MGMT: variants seen among roughly 807,000 people sequenced by gnomAD.
MGMT encodes methylated-DNA--protein-cysteine methyltransferase.
Under a neutral mutation model 15.9 loss-of-function variants are expected in MGMT, and 14 were observed. The ratio of observed to expected loss-of-function variants is 0.88; its 90% CI spans 0.58 to 1.37. MGMT has a LOEUF of 1.37. Ranked by LOEUF, MGMT falls within the 40% of genes most tolerant of loss-of-function variation. The probability of loss-of-function intolerance (pLI) is 0.00; values close to 1 mark genes in which losing one functional copy is unlikely to be tolerated. For missense variants in MGMT, 282 were observed against 268.1 expected (o/e 1.05, Z -0.36); for synonymous variants, 130 against 118.2 (o/e 1.10, Z -0.65).
chr10:129,519,088 C>T (rs1007961488), intron 1 of MGMT, among the ~76,000 whole-genome samples: 1 of 152,126 alleles, frequency 6.6e-6, no homozygotes, highest in African/African-American at 2.4e-5. Context: ...AAGCCCTGGA[C>T]TACTATAAAT....
At chr10:129,725,641 G>C (rs1018274675) in intron 3 of MGMT, among the ~76,000 whole-genome samples, 1 of 152,230 alleles carries the variant, frequency 6.6e-6, no homozygotes, top group African/African-American at 2.4e-5. Context: ...GCTGGGGTCT[G>C]CCCACTTCCT....
chr10:129,670,664 G>A (rs533677429), intron 2 of MGMT, among the ~76,000 whole-genome samples: 2 of 152,286 alleles, frequency 1.3e-5, no homozygotes, highest in East Asian at 1.9e-4. Context: ...TGTGGTAAGA[G>A]GAAATAAGTA....
intron 2 of MGMT, among the ~76,000 whole-genome samples, chr10:129,654,234 A>T (rs1208621097): frequency 6.6e-6 from 1 of 152,128 alleles, no homozygotes; most frequent in Non-Finnish European, 1.5e-5. Context: ...CCTCAGCTTC[A>T]TGAGAAGAGA....
chr10:129,661,818 A>G (rs1002321983), intron 2 of MGMT, among the ~76,000 whole-genome samples: 2 of 152,208 alleles, frequency 1.3e-5, no homozygotes, highest in Admixed American at 6.5e-5. Flanking sequence ...TTTTGTTTTA[A>G]TATTTTTAAT....
chr10:129,684,108 T>A (rs1847881362), intron 2 of MGMT, among the ~76,000 whole-genome samples: 1 of 152,234 alleles, frequency 6.6e-6, no homozygotes, highest in African/African-American at 2.4e-5. Flanking sequence ...TACATACAAT[T>A]AATTTTTGCC....
chr10:129,699,747 A>G (rs146502930), intron 2 of MGMT, among the ~76,000 whole-genome samples: 9 of 152,158 alleles, frequency 5.9e-5, no homozygotes, highest in Non-Finnish European at 1.2e-4. Flanking sequence ...TCCTGCAAGC[A>G]CTCATGGAAC....
intron 1 of MGMT, among the ~76,000 whole-genome samples, chr10:129,483,914 A>G (rs1384314981): frequency 6.6e-6 from 1 of 152,100 alleles, no homozygotes; most frequent in Non-Finnish European, 1.5e-5. Flanking sequence ...AGATATAGAT[A>G]CCTTGGGGAT....
chr10:129,681,168 A>C (rs1469151433), intron 2 of MGMT, among the ~76,000 whole-genome samples: 2 of 152,224 alleles, frequency 1.3e-5, no homozygotes, highest in Non-Finnish European at 2.9e-5. Context: ...CTGTGGCCGT[A>C]GCACCGGGTG....
intron 2 of MGMT, among the ~76,000 whole-genome samples, chr10:129,694,512 C>A (rs1848008025): frequency 1.3e-5 from 2 of 152,328 alleles, no homozygotes; most frequent in South Asian, 4.1e-4. Flanking sequence ...ACTTGCCAGC[C>A]TTCTTTGAGT....
At chr10:129,474,129 G>A (rs925403784) in intron 1 of MGMT, among the ~76,000 whole-genome samples, 2 of 152,222 alleles carry the variant, frequency 1.3e-5, no homozygotes, top group East Asian at 3.9e-4. Context: ...GCAGGGTGTG[G>A]CAAGCATGTG....
chr10:129,611,243 T>C (rs1222151302), intron 2 of MGMT, among the ~76,000 whole-genome samples: 2 of 152,208 alleles, frequency 1.3e-5, no homozygotes, highest in Non-Finnish European at 2.9e-5. Flanking sequence ...CTCAGAGTTA[T>C]CTGGGCTGGA....
chr10:129,690,164 G>A (rs553241005), intron 2 of MGMT, among the ~76,000 whole-genome samples: 22 of 152,218 alleles, frequency 1.4e-4, no homozygotes, highest in African/African-American at 4.3e-4. Flanking sequence ...CTAAAACATC[G>A]GTAGTTTATA....
intron 2 of MGMT, among the ~76,000 whole-genome samples, chr10:129,666,467 G>C (rs55673219): frequency 0.053 from 8,005 of 151,912 alleles, 341 homozygotes; most frequent in Admixed American, 0.12. Context: ...TTTATACTAT[G>C]AGTCATAGAA....
intron 3 of MGMT, among the ~76,000 whole-genome samples, chr10:129,724,703 T>C (rs574550178): frequency 2.8e-4 from 42 of 152,288 alleles, no homozygotes; most frequent in Non-Finnish European, 4.6e-4. Context: ...TGGATAGATA[T>C]ATGATAAAAA....
intron 2 of MGMT, among the ~76,000 whole-genome samples, chr10:129,617,255 G>C (rs1176115696): frequency 6.6e-6 from 1 of 152,120 alleles, no homozygotes; most frequent in South Asian, 2.1e-4. Context: ...GGATGCAAAT[G>C]ATCTCATTCT....
intron 2 of MGMT, among the ~76,000 whole-genome samples, chr10:129,652,163 C>G (rs1464085422): frequency 6.6e-6 from 1 of 152,182 alleles, no homozygotes; most frequent in African/African-American, 2.4e-5. Context: ...GAAAGGCCCC[C>G]TGGGAGACAG....
chr10:129,679,446 A>T (rs2133118873), intron 2 of MGMT, among the ~76,000 whole-genome samples: 1 of 152,312 alleles, frequency 6.6e-6, no homozygotes, highest in East Asian at 1.9e-4. Context: ...TCACAAACAC[A>T]TGAGGCAGCC....
At chr10:129,491,409 T>C (rs973171131) in intron 1 of MGMT, among the ~76,000 whole-genome samples, 5 of 152,198 alleles carry the variant, frequency 3.3e-5, no homozygotes, top group Non-Finnish European at 7.4e-5. Flanking sequence ...AATTGTGTTA[T>C]GGTTCTTTGA....
intron 2 of MGMT, among the ~76,000 whole-genome samples, chr10:129,671,339 G>A (rs955250471): frequency 6.6e-6 from 1 of 152,144 alleles, no homozygotes; most frequent in African/African-American, 2.4e-5. Flanking sequence ...TATTTACACA[G>A]CAGAAATTAG....
Sources: allele counts gnomAD v4.1 joint callset (sites outside exome capture counted in the v4.1 genomes callset), GRCh38; gene constraint gnomAD v4.1.1; transcripts MANE v1.5; gene names NCBI Gene and HGNC (gene_info 2026-07-23, HGNC 2026-07-21).